The following CDC42BPA variants were observed in gnomAD, a reference collection of about 807,000 sequenced individuals.
CDC42BPA encodes serine/threonine-protein kinase MRCK alpha.
CDC42BPA carries 80 observed loss-of-function variants against 223.5 expected under a neutral mutation model. The ratio of observed to expected loss-of-function variants is 0.36; its 90% CI spans 0.30 to 0.43. The LOEUF (loss-of-function observed/expected upper bound fraction) is 0.43, where lower values mean the gene tolerates loss of function less well. CDC42BPA is among the 20% of genes least tolerant of loss of function. The pLI, the probability that CDC42BPA is intolerant of heterozygous loss-of-function variation, is 1.00. For synonymous variants in CDC42BPA, 694 were observed against 718.6 expected (o/e 0.97, Z 0.55); for missense variants, 1,743 against 2,099.9 (o/e 0.83, Z 3.32).
Position 227,115,395 on chromosome 1 carries a change from T to G in CDC42BPA, c.1648-2482A>C, listed in dbSNP as rs372632792. Among the ~76,000 whole-genome samples, 6 of 152,116 alleles carry G rather than the reference T, an allele frequency of 3.9e-5. No individual in the cohort carries two copies. In the East Asian group the frequency reaches 5.8e-4, roughly 15 times the overall value. Reference sequence around the variant, plus strand: ...AATATTATCCTAAACTTTTGTGCCTTCTATAAGAGAGTCTCAAAATCATTA... The same window carrying G: ...AATATTATCCTAAACTTTTGTGCCTGCTATAAGAGAGTCTCAAAATCATTA... On this transcript the variant is annotated intron_variant, in intron 12 of 36. Coordinates refer to ENST00000366766, the MANE Select transcript of CDC42BPA (RefSeq NM_001394014.1).
At chr1:227,316,666 T>C (rs1454283883) in intron 1 of CDC42BPA, among the ~76,000 whole-genome samples, 1 of 152,212 alleles carries the variant, frequency 6.6e-6, no homozygotes, top group African/African-American at 2.4e-5. Flanking sequence ...AATGAAGGAC[T>C]ATTATAGTGC....
intron 2 of CDC42BPA, among the ~76,000 whole-genome samples, chr1:227,252,977 G>A (rs1386022152): frequency 1.3e-5 from 2 of 152,104 alleles, no homozygotes; most frequent in East Asian, 1.9e-4. Flanking sequence ...ACATATCCAG[G>A]AATAAATCTG....
chr1:226,993,443 T>G lies in CDC42BPA; in HGVS notation c.*825A>C, dbSNP rs1389569469. The G allele has an allele frequency of 2.0e-5, 3 of 152,340 alleles. No individual in the cohort carries two copies. The highest frequency in any genetic ancestry group is 4.4e-5 in the Non-Finnish European group (3 of 68,038). The allele number at this position is 152,340 out of a possible 1,614,324, so 9.4% of individuals were successfully genotyped here. A position where few individuals can be genotyped will look rare whatever the true frequency, so the allele number is the denominator to read the frequency against. On this transcript the variant is annotated 3_prime_UTR_variant, in exon 37 of 37. Coordinates refer to ENST00000366766, the MANE Select transcript of CDC42BPA (RefSeq NM_001394014.1). ...TGTTAAAGCTCTGGTGCCCAGGGCA[T>G]GCCCCAAACCAGCAAAACCTGGCTC...
At chr1:227,050,078 C>CA (rs757437543) in intron 22 of CDC42BPA, among the ~76,000 whole-genome samples, 53 of 152,064 alleles carry the variant, frequency 3.5e-4, no homozygotes, top group Non-Finnish European at 3.8e-4. Context: ...AAATAAGCCA[C>CA]AGACTGGGAG....
chr1:227,016,056 AC>A, intron 34 of CDC42BPA, 23 bp downstream of exon 34: 1 of 1,290,026 alleles, frequency 7.8e-7, no homozygotes, highest in Non-Finnish European at 1.1e-6. Flanking sequence ...GCCCTTTTTT[AC>A]ACTCACTCTT....
chr1:227,121,085 C>T (rs1046287989), intron 11 of CDC42BPA, among the ~76,000 whole-genome samples: 8 of 152,144 alleles, frequency 5.3e-5, no homozygotes, highest in Non-Finnish European at 8.8e-5. Context: ...TCCTGCTGTG[C>T]GGCCCAGTCT....
chr1:227,055,106 G>A (rs1483973436), intron 21 of CDC42BPA, among the ~76,000 whole-genome samples: 1 of 151,856 alleles, frequency 6.6e-6, no homozygotes, highest in African/African-American at 2.4e-5. Flanking sequence ...TTCAAAGTGT[G>A]TTTCTTTTAA....
intron 1 of CDC42BPA, 87 bp from the exon 2 acceptor site, chr1:227,254,242 A>G (rs1682655902): frequency 3.1e-6 from 2 of 653,888 alleles, no homozygotes; most frequent in Non-Finnish European, 5.1e-6. Flanking sequence ...AGTTACACAA[A>G]AATTCAAATT....
chr1:227,253,359 G>A (rs965367572), intron 2 of CDC42BPA, among the ~76,000 whole-genome samples: 1 of 152,208 alleles, frequency 6.6e-6, no homozygotes, highest in Non-Finnish European at 1.5e-5. Context: ...CCTTTAGGAG[G>A]ACAAGGTGGG....
At chr1:227,003,321 C>A (rs923311443) in intron 35 of CDC42BPA, among the ~76,000 whole-genome samples, 4 of 152,148 alleles carry the variant, frequency 2.6e-5, no homozygotes, top group African/African-American at 9.7e-5. Context: ...CTAAGTTGCA[C>A]CTGGTACACT....
chr1:227,115,683 C>A (rs997549873), intron 12 of CDC42BPA, among the ~76,000 whole-genome samples: 1 of 152,000 alleles, frequency 6.6e-6, no homozygotes, highest in Non-Finnish European at 1.5e-5. Context: ...AGAACAGATA[C>A]CACGTAGAGC....
At chr1:227,087,931 A>AT (rs1682307340) in intron 16 of CDC42BPA, among the ~76,000 whole-genome samples, 1 of 151,966 alleles carries the variant, frequency 6.6e-6, no homozygotes, top group Non-Finnish European at 1.5e-5. Flanking sequence ...ATTATTTTTT[A>AT]TAGCCCTTCC....
chr1:227,270,423 G>C (rs770850146), intron 1 of CDC42BPA, among the ~76,000 whole-genome samples: 3 of 152,114 alleles, frequency 2.0e-5, no homozygotes, highest in Non-Finnish European at 4.4e-5. Flanking sequence ...TAAAAATATG[G>C]CATCTGGGGT....
intron 1 of CDC42BPA, among the ~76,000 whole-genome samples, chr1:227,281,506 A>T (rs2148573614): frequency 6.6e-6 from 1 of 152,224 alleles, no homozygotes; most frequent in Middle Eastern, 3.4e-3. Flanking sequence ...GGCCCTCAAA[A>T]GCAGTTGTCC....
At chr1:227,170,059 A>G (rs533224268) in intron 5 of CDC42BPA, among the ~76,000 whole-genome samples, 9 of 152,106 alleles carry the variant, frequency 5.9e-5, no homozygotes, top group Non-Finnish European at 1.3e-4. Context: ...CCACTCACCC[A>G]TCAAGAAGAT....
At chr1:227,213,618 A>T (rs1054911349) in intron 2 of CDC42BPA, among the ~76,000 whole-genome samples, 2 of 152,140 alleles carry the variant, frequency 1.3e-5, no homozygotes, top group African/African-American at 4.8e-5. Flanking sequence ...TGCATGCAAA[A>T]TTCCAACACC....
chr1:227,280,507 C>T (rs4282782), intron 1 of CDC42BPA, among the ~76,000 whole-genome samples: 22,820 of 152,146 alleles, frequency 0.15, 2,080 homozygotes, highest in African/African-American at 0.24. Flanking sequence ...TGTTCTCAAA[C>T]AGATGGATTT....
At chr1:227,281,749 G>A (rs937455869) in intron 1 of CDC42BPA, among the ~76,000 whole-genome samples, 18 of 152,182 alleles carry the variant, frequency 1.2e-4, no homozygotes, top group African/African-American at 3.9e-4. Flanking sequence ...ATGAGGCTGA[G>A]CAGAGGAGTG....
chr1:227,021,801 C>T (rs932319665), intron 32 of CDC42BPA, among the ~76,000 whole-genome samples: 2 of 151,832 alleles, frequency 1.3e-5, no homozygotes, highest in South Asian at 2.1e-4. Context: ...GGGTGGGACA[C>T]GAGGTCAGGA....
Sources: allele counts gnomAD v4.1 joint callset (sites outside exome capture counted in the v4.1 genomes callset), GRCh38; gene constraint gnomAD v4.1.1; transcripts MANE v1.5; gene names NCBI Gene and HGNC (gene_info 2026-07-23, HGNC 2026-07-21).